Variants in AATK observed in about 807,000 individuals in gnomAD.
AATK encodes the protein serine/threonine-protein kinase LMTK1.
Under a neutral mutation model 114.3 loss-of-function variants are expected in AATK, and 91 were observed. The ratio of observed to expected loss-of-function variants is 0.80; its 90% CI spans 0.67 to 0.95. AATK has a LOEUF of 0.95. AATK is among the 40% of genes least tolerant of loss of function. The pLI is 0.00. For synonymous variants in AATK, 1,075 were observed against 916.5 expected (o/e 1.17, Z -3.12); for missense variants, 2,176 against 1,965.2 (o/e 1.11, Z -2.03).
rs1185874201 is a variant in AATK, at chr17:81,120,915, G to A, written c.3021C>T (p.Ala1007=). ...CGCACTTCTTCTCTGGGCCTGAGGT[G>A]GCCTCGGCCTCAGCCTCGAGGTCTG... ...YFSDLEAEAE[A]TSGPEKKCGG... The change falls in exon 11 of 14, where the codon GCC becomes GCT. Residue 1007 remains alanine, a synonymous_variant. Transcript: ENST00000326724. 1.3e-6 allele frequency: 2 copies of A among 1,597,776 alleles called. No individual in the cohort carries two copies. Among genetic ancestry groups the A allele is most frequent in the Non-Finnish European group, 1.7e-6 (2 of 1,172,726 alleles).
At chr17:81,146,202 A>G (rs540667469) in intron 1 of AATK, among the ~76,000 whole-genome samples, 1 of 151,240 alleles carries the variant, frequency 6.6e-6, no homozygotes, top group Non-Finnish European at 1.5e-5. Context: ...AAAAAAAAAA[A>G]AAGAAAAAAT....
chr17:81,165,997 G>C lies in AATK; in HGVS notation c.-5C>G. 6.4e-7 allele frequency: 1 copy of C among 1,566,386 alleles called. No individual in the cohort carries two copies. Among genetic ancestry groups the C allele is most frequent in the South Asian group, 1.2e-5 (1 of 84,810 alleles). On this transcript the variant is annotated 5_prime_UTR_variant, in exon 1 of 14. Transcript: ENST00000326724. ...GTTGAAGAAGGACGACGACATGGCCGGGCCAGCGGCCGGCGGGCATCCCGG... is the reference window on the plus strand; with the variant it reads ...GTTGAAGAAGGACGACGACATGGCCCGGCCAGCGGCCGGCGGGCATCCCGG...
Position 81,121,726 on chromosome 17 carries a change from T to G in AATK, c.2210A>C (p.Gln737Pro), listed in dbSNP as rs762270035. ...GAGGCCGGGGCAGCAGCCTGGCTCC[T>G]GGGCAGAGGCTGCCTGGAGCCCAAG... ...PLLGLQAASA[Q>P]EPGCCPGLPH... The change falls in exon 11 of 14, where the codon CAG becomes CCG. Residue 737 changes from glutamine (Q) to proline (P), a missense_variant. This residue lies in a region of AATK where 1,701 missense variants were observed against 1,394.7 expected (regional missense o/e 1.22). Coordinates refer to ENST00000326724, the MANE Select transcript of AATK (RefSeq NM_001080395.3). 1 of 1,497,036 alleles carries G rather than the reference T, an allele frequency of 6.7e-7. No individual in the cohort carries two copies. Among genetic ancestry groups the G allele is most frequent in the African/African-American group, 1.4e-5 (1 of 71,736 alleles). The allele number at this position is 1,497,036 out of a possible 1,614,324, so 92.7% of individuals were successfully genotyped here.
intron 1 of AATK, among the ~76,000 whole-genome samples, chr17:81,136,505 A>G (rs1484236203): frequency 6.6e-6 from 1 of 151,678 alleles, no homozygotes; most frequent in Non-Finnish European, 1.5e-5. Flanking sequence ...CACCTCCAGG[A>G]CCCCACCTCA....
At chr17:81,145,400 G>T (rs2061202671) in intron 1 of AATK, among the ~76,000 whole-genome samples, 1 of 152,026 alleles carries the variant, frequency 6.6e-6, no homozygotes, top group African/African-American at 2.4e-5. Context: ...CAATGGAAGG[G>T]ATCGCAAAAG....
chr17:81,122,127 C>T lies in AATK; in HGVS notation c.1809G>A (p.Pro603=), dbSNP rs760455427. 6 of 1,539,236 alleles carry T rather than the reference C, an allele frequency of 3.9e-6. No homozygotes were observed. The highest frequency in any genetic ancestry group is 1.7e-4 in the Middle Eastern group (1 of 5,790). Reference sequence around the variant, plus strand: ...GCGAGGGAGAGCGTGAGGGGCAGAGCGGGTCCCGCGCCAAGCTTCTGCGAG... The same window carrying T: ...GCGAGGGAGAGCGTGAGGGGCAGAGTGGGTCCCGCGCCAAGCTTCTGCGAG... ...HYPRRSLARD[P]LCPSRSPSPS... is the part of the protein sequence containing the mutation. The change falls in exon 11 of 14, where the codon CCG becomes CCA. Residue 603 remains proline, a synonymous_variant. Coordinates refer to ENST00000326724, the MANE Select transcript of AATK (RefSeq NM_001080395.3).
rs141089572 is a variant in AATK at position 81,133,879 on chromosome 17, C to T, written c.189+489G>A. Among the ~76,000 whole-genome samples, 34 of 152,296 alleles carry T rather than the reference C, an allele frequency of 2.2e-4. 1 individual carries two copies. The East Asian group carries it at 6.0e-3, about 27-fold the overall frequency. ...CCTCCAGAAGGCAGAAGATACCCCGCGCAAGGTGACTCCAACTGGCAAGAA... is the reference window on the plus strand; with the variant it reads ...CCTCCAGAAGGCAGAAGATACCCCGTGCAAGGTGACTCCAACTGGCAAGAA... On this transcript the variant is annotated intron_variant, in intron 2 of 13. Transcript: ENST00000326724.
intron 12 of AATK, 108 bp from the exon 13 acceptor site, chr17:81,119,688 C>A: frequency 1.3e-6 from 1 of 796,114 alleles, no homozygotes; most frequent in Non-Finnish European, 1.7e-6. Flanking sequence ...GTCACGGGCC[C>A]AGGCCCCGCC....
Position 81,155,027 on chromosome 17 carries a change from C to T in AATK, c.55+10911G>A, listed in dbSNP as rs376740920. Among the ~76,000 whole-genome samples the T allele has an allele frequency of 3.3e-5, 5 of 152,320 alleles. No individual in the cohort carries two copies. In the South Asian group the frequency reaches 8.3e-4, roughly 25 times the overall value. ...TTTCCAGTGCTGGAGGTGTGAACTG[C>T]GTGGAGACCTTTGGAGGGTTCTCAT... On this transcript the variant is annotated intron_variant, in intron 1 of 13. Transcript: ENST00000326724.
At chr17:81,157,302 T>C (rs1388575528) in intron 1 of AATK, among the ~76,000 whole-genome samples, 1 of 152,172 alleles carries the variant, frequency 6.6e-6, no homozygotes, top group Non-Finnish European at 1.5e-5. Context: ...GCCGGGTCCA[T>C]CCGACACCGC....
rs1248006821 is a variant in AATK, at chr17:81,124,480, G to A, written c.962+247C>T. Among the ~76,000 whole-genome samples, 3 of 152,336 alleles carry A rather than the reference G, an allele frequency of 2.0e-5. No individual in the cohort carries two copies. The South Asian group carries it at 6.2e-4, about 32-fold the overall frequency. ...CTCAGGACAGACCCCCCGGCATGCT[G>A]AAGACGGGCCGTTGGCCCTGTACGT... On this transcript the variant is annotated intron_variant, in intron 9 of 13. Transcript: ENST00000326724.
intron 13 of AATK, 28 bp downstream of exon 13, chr17:81,119,352 T>A: frequency 6.5e-7 from 1 of 1,546,212 alleles, no homozygotes; most frequent in Non-Finnish European, 8.7e-7. Flanking sequence ...CCGCGTGCCC[T>A]TCTGCCACAG....
chr17:81,145,571 A>G (rs1358481947), intron 1 of AATK, among the ~76,000 whole-genome samples: 1 of 152,012 alleles, frequency 6.6e-6, no homozygotes, highest in Non-Finnish European at 1.5e-5. Context: ...CGTCTCTACT[A>G]AAAATACACA....
intron 1 of AATK, among the ~76,000 whole-genome samples, chr17:81,164,021 G>A (rs990373605): frequency 1.1e-4 from 16 of 152,342 alleles, no homozygotes; most frequent in Admixed American, 2.6e-4. Flanking sequence ...GCTCCAATTC[G>A]GGGATGGCAA....
chr17:81,149,763 C>T (rs761003373), intron 1 of AATK, among the ~76,000 whole-genome samples: 51 of 152,212 alleles, frequency 3.4e-4, no homozygotes, highest in Non-Finnish European at 6.3e-4. Context: ...AGGGTTTCTT[C>T]GGAGGCAGGG....
intron 1 of AATK, among the ~76,000 whole-genome samples, chr17:81,160,692 G>C (rs1424552566): frequency 6.6e-6 from 1 of 152,244 alleles, no homozygotes; most frequent in African/African-American, 2.4e-5. Flanking sequence ...CCCACGGCAG[G>C]TGCTTTGCAT....
At chr17:81,141,936 CTTCCTTCCTTCCTTCCT>C (rs1176242722) in intron 1 of AATK, among the ~76,000 whole-genome samples, 5 of 63,522 alleles carry the variant, frequency 7.9e-5, no homozygotes, top group Non-Finnish European at 1.4e-4. Flanking sequence ...TCCTTCCTTC[CTTCCTTCCTTCCTTCCT>C]TTCCTTCCTT....
chr17:81,156,098 G>A (rs1036549745), intron 1 of AATK, among the ~76,000 whole-genome samples: 3 of 109,252 alleles, frequency 2.7e-5, no homozygotes, highest in East Asian at 2.9e-4. Context: ...ATGTTACAAT[G>A]TATGTTACAA....
At position 81,118,314 on chromosome 17, in the gene AATK, G is replaced by C; in HGVS notation, c.*88C>G. ...CTGCTGCCAACAGCCACCAGGACGT[G>C]GTCCCCACCTTCTCGGTCACCATCC... On this transcript the variant is annotated 3_prime_UTR_variant, in exon 14 of 14. Transcript: ENST00000326724. 1.4e-6 allele frequency: 2 copies of C among 1,400,002 alleles called. No individual in the cohort carries two copies. Among genetic ancestry groups the C allele is most frequent in the Non-Finnish European group, 2.0e-6 (2 of 1,019,408 alleles). 86.7% of individuals were successfully genotyped at this position (1,400,002 alleles called of 1,614,324 possible). A position where few individuals can be genotyped will look rare whatever the true frequency, so the allele number is the denominator to read the frequency against.
Sources: allele counts gnomAD v4.1 joint callset (sites outside exome capture counted in the v4.1 genomes callset), GRCh38; gene constraint gnomAD v4.1.1; regional missense constraint gnomAD v4.1.1; transcripts MANE v1.5; gene names NCBI Gene and HGNC (gene_info 2026-07-23, HGNC 2026-07-21).